Variants in CNOT6 observed in about 807,000 individuals in gnomAD.
CNOT6 encodes the protein CCR4-NOT transcription complex subunit 6.
Under a neutral mutation model 61.2 loss-of-function variants are expected in CNOT6, and 12 were observed. The ratio of observed to expected loss-of-function variants is 0.20; its 90% CI spans 0.13 to 0.32. CNOT6 has a LOEUF of 0.32. Ranked by LOEUF, CNOT6 falls within the 10% of genes least tolerant of loss-of-function variation. The pLI is 1.00. For missense variants in CNOT6, 405 were observed against 663.9 expected, an observed-to-expected ratio of 0.61 and a Z score of 4.28; for synonymous variants, 225 against 240.6, an observed-to-expected ratio of 0.94 and a Z score of 0.60.
At chr5:180,549,367 T>G (rs1017555806) in intron 2 of CNOT6, among the ~76,000 whole-genome samples, 6 of 152,158 alleles carry the variant, frequency 3.9e-5, no homozygotes, top group Non-Finnish European at 8.8e-5. Context: ...AGGATAAATT[T>G]GGCCGGGCAC....
chr5:180,556,981 G>T (rs1348998923), intron 4 of CNOT6, among the ~76,000 whole-genome samples: 1 of 151,922 alleles, frequency 6.6e-6, no homozygotes, highest in African/African-American at 2.4e-5. Context: ...GAATGCTACT[G>T]AATGGAATCA....
intron 4 of CNOT6, among the ~76,000 whole-genome samples, chr5:180,560,401 G>T (rs1760104471): frequency 6.6e-6 from 1 of 152,008 alleles, no homozygotes; most frequent in South Asian, 2.1e-4. Context: ...TTCCCTTTGG[G>T]TAGATCTGCT....
intron 1 of CNOT6, among the ~76,000 whole-genome samples, chr5:180,501,271 G>A (rs1756856702): frequency 6.6e-6 from 1 of 152,160 alleles, no homozygotes; most frequent in Non-Finnish European, 1.5e-5. Context: ...AAAAGCACAG[G>A]ATACCAGAAT....
intron 4 of CNOT6, among the ~76,000 whole-genome samples, chr5:180,561,024 C>T (rs1341578680): frequency 3.3e-5 from 5 of 152,128 alleles, no homozygotes; most frequent in African/African-American, 1.2e-4. Flanking sequence ...GATCTTGGCT[C>T]ACTGCAGCCT....
At chr5:180,562,873 A>G (rs1435214974) in intron 4 of CNOT6, among the ~76,000 whole-genome samples, 1 of 152,240 alleles carries the variant, frequency 6.6e-6, no homozygotes, top group Non-Finnish European at 1.5e-5. Context: ...GATAAGCTTC[A>G]GGTTGTAACT....
Position 180,545,732 on chromosome 5 carries a change from A to T in CNOT6, c.113-4199A>T, listed in dbSNP as rs143002683. ...TATTTCCTAAAAAATGGAATTGATCATATGGTAAGTGTATGTTTAACTTTT... is the reference window on the plus strand; with the variant it reads ...TATTTCCTAAAAAATGGAATTGATCTTATGGTAAGTGTATGTTTAACTTTT... On this transcript the variant is annotated intron_variant, in intron 2 of 11. Transcript: ENST00000261951. 6.6e-5 allele frequency among the ~76,000 whole-genome samples: 10 copies of T among 152,316 alleles called. No individual in the cohort carries two copies. In the East Asian group the frequency reaches 1.9e-3, roughly 29 times the overall value.
In CNOT6 at chr5:180,556,950, C is replaced by T. The variant is rs534917210; in HGVS notation, c.385+3479C>T. Among the ~76,000 whole-genome samples, 3 of 148,858 alleles carry T rather than the reference C, an allele frequency of 2.0e-5. No individual in the cohort carries two copies. The South Asian group carries it at 6.4e-4, about 32-fold the overall frequency. ...CAGCCTGGGCAACAGAGCGAGACTC[C>T]GTCTCAAAAAAAAAAAAAAAGAATG... On this transcript the variant is annotated intron_variant, in intron 4 of 11. Transcript: ENST00000261951.
At chr5:180,553,298 T>C in intron 3 of CNOT6, 88 bp from the exon 4 acceptor site, 2 of 820,642 alleles carry the variant, frequency 2.4e-6, no homozygotes, top group Non-Finnish European at 4.0e-6. Flanking sequence ...CATTCTTAGG[T>C]GCTTATGTTC....
At chr5:180,498,890 A>G (rs1756739300) in intron 1 of CNOT6, among the ~76,000 whole-genome samples, 1 of 152,190 alleles carries the variant, frequency 6.6e-6, no homozygotes, top group African/African-American at 2.4e-5. Context: ...CCTGGGTTCC[A>G]GCCATTCTCC....
intron 2 of CNOT6, among the ~76,000 whole-genome samples, chr5:180,532,183 C>T (rs1758424934): frequency 6.6e-6 from 1 of 152,174 alleles, no homozygotes; most frequent in South Asian, 2.1e-4. Flanking sequence ...CAGTCAGTCA[C>T]CACTCCTATT....
chr5:180,529,212 AAG>A lies in CNOT6; in HGVS notation c.-2-62_-2-61del, dbSNP rs34869750. ...GACTTCGTCTCAAAAAAAAAAAAAA[AAG>A]GTGTTGTGGCTTTTGTTTATTTGAT... On this transcript the variant is annotated intron_variant, in intron 1 of 11. Transcript: ENST00000261951. The A allele has an allele frequency of 2.7e-3, 2,336 of 868,868 alleles. 32 individuals are homozygous for A. The African/African-American group carries it at 0.035, about 13-fold the overall frequency. 53.8% of individuals were successfully genotyped at this position (868,868 alleles called of 1,614,324 possible). A position where few individuals can be genotyped will look rare whatever the true frequency, so the allele number is the denominator to read the frequency against.
chr5:180,574,364 A>C lies in CNOT6; in HGVS notation c.*164A>C. ...TATAGTATGAAAGCCAGGTGCTAGC[A>C]ACAGACAAATTCTGAGCCCAATATG... On this transcript the variant is annotated 3_prime_UTR_variant, in exon 12 of 12. Coordinates refer to ENST00000261951, the MANE Select transcript of CNOT6 (RefSeq NM_001370472.1). 1.6e-6 allele frequency: 1 copy of C among 635,086 alleles called. No homozygotes were observed. The highest frequency in any genetic ancestry group is 2.8e-6 in the Non-Finnish European group (1 of 361,842). 39.3% of individuals were successfully genotyped at this position (635,086 alleles called of 1,614,324 possible).
intron 2 of CNOT6, among the ~76,000 whole-genome samples, chr5:180,544,682 G>C (rs1759220423): frequency 6.6e-6 from 1 of 152,174 alleles, no homozygotes; most frequent in African/African-American, 2.4e-5. Context: ...AAATTGGCAG[G>C]CTTTGAAAAT....
intron 2 of CNOT6, among the ~76,000 whole-genome samples, chr5:180,539,932 G>C (rs1469723817): frequency 6.6e-6 from 1 of 152,118 alleles, no homozygotes. Flanking sequence ...CTTAGAAGAT[G>C]TGACTCAGGG....
chr5:180,520,073 ATCTGCCTGCC>A (rs955644688), intron 1 of CNOT6, among the ~76,000 whole-genome samples: 27 of 152,130 alleles, frequency 1.8e-4, no homozygotes, highest in South Asian at 2.1e-4. Context: ...ACCTCAAGTG[ATCTGCCTGCC>A]TCTGCCTGCC....
chr5:180,514,892 T>A (rs1336064558), intron 1 of CNOT6, among the ~76,000 whole-genome samples: 1 of 152,218 alleles, frequency 6.6e-6, no homozygotes, highest in Non-Finnish European at 1.5e-5. Flanking sequence ...GACCAGTTCA[T>A]TAGCGTAATT....
intron 1 of CNOT6, among the ~76,000 whole-genome samples, chr5:180,523,261 T>A (rs1044932892): frequency 9.2e-5 from 14 of 152,164 alleles, no homozygotes; most frequent in African/African-American, 3.4e-4. Flanking sequence ...CCTTTTCTTT[T>A]CCCCTTAGAT....
chr5:180,535,956 T>A (rs1758665070), intron 2 of CNOT6, among the ~76,000 whole-genome samples: 1 of 150,202 alleles, frequency 6.7e-6, no homozygotes, highest in African/African-American at 2.4e-5. Flanking sequence ...TTTTGAAAAA[T>A]ATTGTTTCAT....
intron 4 of CNOT6, among the ~76,000 whole-genome samples, chr5:180,557,040 T>C (rs1329882509): frequency 1.3e-5 from 2 of 152,212 alleles, no homozygotes; most frequent in African/African-American, 2.4e-5. Flanking sequence ...GGTTAATTAT[T>C]TGGATATTTG....
Sources: allele counts gnomAD v4.1 joint callset (sites outside exome capture counted in the v4.1 genomes callset), GRCh38; gene constraint gnomAD v4.1.1; transcripts MANE v1.5; gene names NCBI Gene and HGNC (gene_info 2026-07-23, HGNC 2026-07-21).